The following NPHP4 variants were observed in gnomAD, a reference collection of about 807,000 sequenced individuals.
NPHP4 encodes the protein nephrocystin 4.
NPHP4 carries 151 observed loss-of-function variants against 155.8 expected under a neutral mutation model. The observed-to-expected ratio is 0.97, with a 90% CI of 0.85 to 1.11. The LOEUF (loss-of-function observed/expected upper bound fraction) is 1.11. Ranked by LOEUF, NPHP4 falls within the 50% of genes least tolerant of loss-of-function variation. The pLI is 0.00. For missense variants in NPHP4, 1,956 were observed against 1,925.7 expected (o/e 1.02, Z -0.29); for synonymous variants, 845 against 816.8 (o/e 1.03, Z -0.59).
At chr1:5,893,075 G>A (rs952466638) in intron 16 of NPHP4, among the ~76,000 whole-genome samples, 10 of 152,166 alleles carry the variant, frequency 6.6e-5, no homozygotes, top group Non-Finnish European at 7.3e-5. Context: ...TGCAGGGATC[G>A]ACCTTAACGC....
intron 6 of NPHP4, among the ~76,000 whole-genome samples, chr1:5,960,571 C>T (rs1650121812): frequency 6.6e-6 from 1 of 152,114 alleles, no homozygotes; most frequent in African/African-American, 2.4e-5. Context: ...TCCTGGAACC[C>T]AGCAGGGAGT....
chr1:5,912,460 C>T (rs916916780), intron 11 of NPHP4, among the ~76,000 whole-genome samples: 3 of 151,230 alleles, frequency 2.0e-5, no homozygotes, highest in Non-Finnish European at 2.9e-5. Flanking sequence ...ATGGCGTGAA[C>T]CCGGGAGGCG....
intron 15 of NPHP4, 141 bp from the exon 16 acceptor site, chr1:5,904,945 A>G: frequency 1.3e-6 from 1 of 794,540 alleles, no homozygotes; most frequent in Non-Finnish European, 2.1e-6. Flanking sequence ...CACCAATGCA[A>G]CCGCTTTGCT....
In NPHP4 at chr1:5,933,334, A is replaced by T; in HGVS notation, c.1120-5T>A. ...CAGAGAGGTGACCGAAGCTGCCTAG[A>T]ATTAAAACAAAGCACATCGGTGTAT... is the stretch of plus-strand genomic sequence containing the variant. On this transcript the variant is annotated splice_region_variant and splice_polypyrimidine_tract_variant and intron_variant, in intron 9 of 29. Coordinates refer to ENST00000378156, the MANE Select transcript of NPHP4 (RefSeq NM_015102.5). 1 of 1,610,986 alleles carries T rather than the reference A, an allele frequency of 6.2e-7. No individual in the cohort carries two copies. Among genetic ancestry groups the T allele is most frequent in the Non-Finnish European group, 8.5e-7 (1 of 1,178,994 alleles).
At chr1:5,951,644 G>A (rs538115105) in intron 7 of NPHP4, among the ~76,000 whole-genome samples, 101 of 152,324 alleles carry the variant, frequency 6.6e-4, no homozygotes, top group Non-Finnish European at 1.0e-3. Flanking sequence ...GAGCCAGGGC[G>A]GACAGACCTC....
chr1:5,956,872 G>A (rs529021226), intron 6 of NPHP4, among the ~76,000 whole-genome samples: 159 of 152,236 alleles, frequency 1.0e-3, no homozygotes, highest in African/African-American at 3.7e-3. Context: ...ATTTATAAAG[G>A]AAAAACAAAA....
At position 5,917,478 on chromosome 1, in the gene NPHP4, C is replaced by T. The variant is rs938091540; in HGVS notation, c.1442-8265G>A. On this transcript the variant is annotated intron_variant, in intron 11 of 29. Transcript: ENST00000378156. ...AGTCTTAATGGCATCCTTTGAGTGC[C>T]GGGATCCAGCCATGCCTAACATCAG... 8.5e-5 allele frequency among the ~76,000 whole-genome samples: 13 copies of T among 152,220 alleles called. No individual in the cohort carries two copies. In the East Asian group the frequency reaches 9.7e-4, roughly 11 times the overall value.
chr1:5,991,918 AGGCCAGG>A (rs1169055311), intron 1 of NPHP4, among the ~76,000 whole-genome samples: 1 of 52,602 alleles, frequency 1.9e-5, no homozygotes, highest in Non-Finnish European at 3.3e-5. Flanking sequence ...GGCTGCAGAG[AGGCCAGG>A]GGGCAGGGGG....
rs1400041377 is a variant in NPHP4, at chr1:5,867,908, C to T, written c.3316-12G>A. The T allele has an allele frequency of 6.2e-7, 1 of 1,613,928 alleles. No homozygotes were observed. The highest frequency in any genetic ancestry group is 1.1e-5 in the South Asian group (1 of 91,076). ...GCTCGGAACAAGACCTGTGAGGAGG[C>T]CACGCTGAGTGTTGGGATGGGCACG... On this transcript the variant is annotated splice_polypyrimidine_tract_variant and intron_variant, in intron 23 of 29. Coordinates refer to ENST00000378156, the MANE Select transcript of NPHP4 (RefSeq NM_015102.5). This position sits in a 1 kb window ranked among gnomAD's most constrained non-coding sequence, Gnocchi z 4.1.
rs775640983 is a variant in NPHP4 at position 5,887,356 on chromosome 1, A to C, written c.2415T>G (p.Phe805Leu). ...GGACGCCGATGGGCTTGACGCGGCC[A>C]AACCCCAGCATGTCTCCACTCACCA... is the stretch of plus-strand genomic sequence containing the variant. ...NMVVSGDMLG[F>L]GRVKPIGVHS... Residue 805 changes from phenylalanine to leucine, a missense_variant, in exon 18 of 30, where the codon TTT becomes TTG. Physicochemically the swap from Phe to Leu is conservative, Grantham distance 22 (BLOSUM62 0). Coordinates refer to ENST00000378156, the MANE Select transcript of NPHP4 (RefSeq NM_015102.5). 6.2e-7 allele frequency: 1 copy of C among 1,613,560 alleles called. No individual in the cohort carries two copies. The highest frequency in any genetic ancestry group is 8.5e-7 in the Non-Finnish European group (1 of 1,179,886).
rs943899184 is a variant in NPHP4 at position 5,889,996 on chromosome 1, GA to G, written c.2304+871del. ...CCATGCCTCAGAGGAAGAGCAGCTG[GA>G]AAAACTCCCATACCCCATCCCCCCA... On this transcript the variant is annotated intron_variant, in intron 17 of 29. Coordinates refer to ENST00000378156, the MANE Select transcript of NPHP4 (RefSeq NM_015102.5). This position sits in a 1 kb window ranked among gnomAD's most constrained non-coding sequence, Gnocchi z 4.2. 1.3e-5 allele frequency among the ~76,000 whole-genome samples: 2 copies of G among 152,168 alleles called. No homozygotes were observed. The highest frequency in any genetic ancestry group is 4.8e-5 in the African/African-American group (2 of 41,424).
intron 11 of NPHP4, among the ~76,000 whole-genome samples, chr1:5,921,419 G>A (rs1645733872): frequency 6.6e-6 from 1 of 152,186 alleles, no homozygotes; most frequent in Non-Finnish European, 1.5e-5. Context: ...ACTCTTCAAA[G>A]CGGCTGCACA....
intron 23 of NPHP4, chr1:5,868,124 G>A (rs1641460651): frequency 1.5e-6 from 1 of 664,336 alleles, no homozygotes; most frequent in African/African-American, 1.8e-5. Context: ...CCCACACAGG[G>A]CACCCAAGCA....
intron 29 of NPHP4, chr1:5,863,651 T>C: frequency 3.2e-6 from 2 of 622,564 alleles, no homozygotes; most frequent in Non-Finnish European, 5.7e-6. Flanking sequence ...CTGTCTAACA[T>C]TACCATGAAA....
intron 3 of NPHP4, among the ~76,000 whole-genome samples, chr1:5,973,664 C>A (rs1278583371): frequency 6.6e-6 from 1 of 152,248 alleles, no homozygotes; most frequent in Admixed American, 6.5e-5. Flanking sequence ...TTTCCATTGT[C>A]CCCAGATGAC....
chr1:5,902,856 A>G (rs998755200), intron 16 of NPHP4, among the ~76,000 whole-genome samples: 1 of 152,228 alleles, frequency 6.6e-6, no homozygotes, highest in Non-Finnish European at 1.5e-5. Context: ...AATTAGAAGC[A>G]CATTTTAAAA....
chr1:5,864,574 G>A (rs1277003643), intron 27 of NPHP4, 57 bp from the exon 28 acceptor site: 1 of 1,419,424 alleles, frequency 7.0e-7, no homozygotes, highest in Non-Finnish European at 9.3e-7. Context: ...GCAAGCAAGG[G>A]GCTCCTGGGC....
intron 11 of NPHP4, among the ~76,000 whole-genome samples, chr1:5,925,173 T>C (rs1008147932): frequency 2.0e-5 from 3 of 152,190 alleles, no homozygotes; most frequent in African/African-American, 7.2e-5. Flanking sequence ...TCAACCAGCC[T>C]TGGATTGAAA....
At chr1:5,874,400 G>A in intron 22 of NPHP4, 71 bp downstream of exon 22, 1 of 1,366,560 alleles carries the variant, frequency 7.3e-7, no homozygotes, top group Admixed American at 2.5e-5. Context: ...CACTGGTGGA[G>A]ACTGGAAGCA....
Sources: allele counts gnomAD v4.1 joint callset (sites outside exome capture counted in the v4.1 genomes callset), GRCh38; gene constraint gnomAD v4.1.1; non-coding constraint Gnocchi (gnomAD v3.1); transcripts MANE v1.5; gene names NCBI Gene and HGNC (gene_info 2026-07-23, HGNC 2026-07-21).